Variants in KPNA7 observed in about 807,000 individuals in gnomAD.
The protein encoded by KPNA7 is importin subunit alpha-8.
In KPNA7, 54 loss-of-function variants were observed where a neutral mutation model predicts 53.7. The ratio of observed to expected loss-of-function variants is 1.01; its 90% CI spans 0.81 to 1.26. The LOEUF (loss-of-function observed/expected upper bound fraction) is 1.26. Ranked by LOEUF, KPNA7 falls within the 50% of genes most tolerant of loss-of-function variation. The probability of loss-of-function intolerance (pLI) is 0.00; values close to 1 mark genes in which losing one functional copy is unlikely to be tolerated. For synonymous variants in KPNA7, 276 were observed against 259.3 expected (o/e 1.06, Z -0.62); for missense variants, 640 against 644.5 (o/e 0.99, Z 0.07).
At chr7:99,164,923 ACC>A in the KPNA7 span, among the ~76,000 whole-genome samples, 1 of 151,444 alleles carries the variant, frequency 6.6e-6, no homozygotes, top group East Asian at 1.9e-4. Flanking sequence ...ACATGGCAAA[ACC>A]CCGTCTGCTA....
chr7:99,175,524 A>T (rs866658571), intron 10 of KPNA7, among the ~76,000 whole-genome samples: 27 of 135,012 alleles, frequency 2.0e-4, no homozygotes, highest in African/African-American at 6.7e-4. Context: ...TTTATTTATT[A>T]TTTATTTTGG....
the KPNA7 span, among the ~76,000 whole-genome samples, chr7:99,149,902 C>T: frequency 6.6e-6 from 1 of 152,146 alleles, no homozygotes; most frequent in South Asian, 2.1e-4. Context: ...TCAAGCGATT[C>T]TCCTGCCTCA....
downstream of KPNA7, among the ~76,000 whole-genome samples, chr7:99,170,398 A>G (rs1381685182): frequency 6.6e-6 from 1 of 152,122 alleles, no homozygotes; most frequent in Non-Finnish European, 1.5e-5. Context: ...AAAGTAGAAT[A>G]CCCCAGAAAG....
downstream of KPNA7, among the ~76,000 whole-genome samples, chr7:99,170,068 G>T (rs1051568430): frequency 6.6e-6 from 1 of 152,092 alleles, no homozygotes; most frequent in Admixed American, 6.6e-5. Context: ...CTGATCGTTG[G>T]GATCACTTGT....
chr7:99,193,682 T>G (rs201062701), intron 5 of KPNA7, among the ~76,000 whole-genome samples: 17 of 150,338 alleles, frequency 1.1e-4, no homozygotes, highest in South Asian at 2.1e-4. Context: ...TTTTTTTTTT[T>G]GGCGGGGGAG....
chr7:99,180,078 C>T (rs1414139531), intron 9 of KPNA7, among the ~76,000 whole-genome samples: 2 of 152,146 alleles, frequency 1.3e-5, no homozygotes, highest in East Asian at 3.9e-4. Context: ...ACACTGAGGC[C>T]TTCACCTTGC....
chr7:99,202,837 C>T (rs1305879908), intron 3 of KPNA7, among the ~76,000 whole-genome samples: 1 of 151,762 alleles, frequency 6.6e-6, no homozygotes, highest in Non-Finnish European at 1.5e-5. Flanking sequence ...CAGAGTGAGA[C>T]CTGTCTCAAA....
At chr7:99,215,624 C>T (rs562476522) in intron 1 of KPNA7, among the ~76,000 whole-genome samples, 91 of 152,094 alleles carry the variant, frequency 6.0e-4, no homozygotes, top group African/African-American at 8.4e-4. Context: ...GCTCGGATTC[C>T]GCTTCTTTCC....
the KPNA7 span, among the ~76,000 whole-genome samples, chr7:99,149,297 G>A: frequency 6.6e-6 from 1 of 152,150 alleles, no homozygotes; most frequent in African/African-American, 2.4e-5. Flanking sequence ...CAACCCTTTT[G>A]AAAGGTAGCA....
chr7:99,209,460 G>C (rs975346535), upstream of KPNA7, among the ~76,000 whole-genome samples: 1 of 151,922 alleles, frequency 6.6e-6, no homozygotes, highest in Non-Finnish European at 1.5e-5. Context: ...TGTGATTGTG[G>C]ATCACCTGAG....
Position 99,180,769 on chromosome 7 carries a change from G to GTC in KPNA7, c.1317+1112_1317+1113dup, listed in dbSNP as rs1172946182. ...TGTCTCTCTCTCTCTCCCCGTCTGT[G>GTC]TCTCTCTCTCTCTCCCCGTCTGTGT... On this transcript the variant is annotated intron_variant, in intron 9 of 10. Coordinates refer to ENST00000327442, the MANE Select transcript of KPNA7 (RefSeq NM_001145715.3). Among the ~76,000 whole-genome samples the GTC allele has an allele frequency of 1.8e-4, 9 of 49,720 alleles. 1 individual carries two copies. Among genetic ancestry groups the GTC allele is most frequent in the African/African-American group, 7.8e-4 (9 of 11,474 alleles). The allele number at this position is 49,720 out of a possible 152,430, so 32.6% of individuals were successfully genotyped here.
intron 6 of KPNA7, among the ~76,000 whole-genome samples, chr7:99,190,668 TGG>T (rs71108427): frequency 0.077 from 11,570 of 149,866 alleles, 427 homozygotes; most frequent in South Asian, 0.14. Context: ...TTTTTTTTTT[TGG>T]GGGGAGACAG....
At chr7:99,187,885 A>G (rs1271470352) in intron 7 of KPNA7, among the ~76,000 whole-genome samples, 1 of 145,780 alleles carries the variant, frequency 6.9e-6, no homozygotes, top group Non-Finnish European at 1.5e-5. Flanking sequence ...GCCACAGAGT[A>G]GCAAAGATGG....
chr7:99,201,076 A>G (rs989726238), intron 3 of KPNA7, among the ~76,000 whole-genome samples: 2 of 152,234 alleles, frequency 1.3e-5, no homozygotes, highest in African/African-American at 4.8e-5. Flanking sequence ...ATGAACTTTG[A>G]AAACATAAAA....
intron 2 of KPNA7, among the ~76,000 whole-genome samples, chr7:99,205,954 C>G (rs560393363): frequency 1.1e-4 from 17 of 152,288 alleles, no homozygotes; most frequent in African/African-American, 4.1e-4. Context: ...GCACACACCC[C>G]CCGTCCCCAG....
At position 99,188,453 on chromosome 7, in the gene KPNA7, G is replaced by C; in HGVS notation, c.747C>G (p.Leu249=). ...GAACCTCACTGTCCTGGTGCTGCAG[G>C]AGGTGAAGGAGGGCCGGCAGTATCT... is the stretch of plus-strand genomic sequence containing the variant. ...VKQILPALLH[L]LQHQDSEVLS... The change falls in exon 7 of 11, where the codon CTC becomes CTG. Residue 249 remains leucine (L), a synonymous_variant. Transcript: ENST00000327442. The C allele has an allele frequency of 6.4e-7, 1 of 1,551,620 alleles. No homozygotes were observed. Among genetic ancestry groups the C allele is most frequent in the East Asian group, 2.4e-5 (1 of 40,930 alleles).
chr7:99,150,495 A>C, the KPNA7 span, among the ~76,000 whole-genome samples: 1 of 145,860 alleles, frequency 6.9e-6, no homozygotes, highest in African/African-American at 2.5e-5. Flanking sequence ...GCTCACCACA[A>C]TCTCCGCCTC....
rs566213345 is a variant in KPNA7, at chr7:99,184,706, C to T, written c.1134+223G>A. 7.9e-5 allele frequency among the ~76,000 whole-genome samples: 12 copies of T among 152,268 alleles called. No individual in the cohort carries two copies. The South Asian group carries it at 2.5e-3, about 32-fold the overall frequency. On this transcript the variant is annotated intron_variant, in intron 8 of 10. Coordinates refer to ENST00000327442, the MANE Select transcript of KPNA7 (RefSeq NM_001145715.3). ...TCTGGATGTTTGAGCCATGGGGTCA[C>T]CTTGTCATTGAATAATGCTTGTTCC...
chr7:99,203,635 G>T (rs1790658771), intron 2 of KPNA7, among the ~76,000 whole-genome samples: 1 of 151,958 alleles, frequency 6.6e-6, no homozygotes, highest in African/African-American at 2.4e-5. Flanking sequence ...TAGGATAGAT[G>T]GTGTTGGGGA....
Sources: gnomAD v4.1 joint callset for allele counts (sites outside exome capture counted in the v4.1 genomes callset) on GRCh38, gnomAD v4.1.1 for gene constraint, MANE v1.5 for transcripts, NCBI Gene and HGNC (gene_info 2026-07-23, HGNC 2026-07-21) for gene names.